The following RSL24D1 variants were observed in gnomAD, a reference collection of about 807,000 sequenced individuals.
The protein encoded by RSL24D1 is probable ribosome biogenesis protein RLP24.
RSL24D1 carries 6 observed loss-of-function variants against 26.2 expected under a neutral mutation model. The observed-to-expected ratio is 0.23, with a 90% CI of 0.13 to 0.45. RSL24D1 has a LOEUF of 0.45. Ranked by LOEUF, RSL24D1 falls within the 20% of genes least tolerant of loss-of-function variation. The pLI, the probability that RSL24D1 is intolerant of heterozygous loss-of-function variation, is 0.99. For synonymous variants in RSL24D1, 61 were observed against 59.1 expected, an observed-to-expected ratio of 1.03 and a Z score of -0.15; for missense variants, 176 against 202.6, an observed-to-expected ratio of 0.87 and a Z score of 0.80.
intron 1 of RSL24D1, among the ~76,000 whole-genome samples, chr15:55,193,567 T>A (rs1046221851): frequency 5.9e-5 from 9 of 152,104 alleles, no homozygotes; most frequent in African/African-American, 2.2e-4. Context: ...GTAAAGAAAA[T>A]TAAGTTGAAT....
At chr15:55,193,667 C>G (rs1894323865) in intron 1 of RSL24D1, among the ~76,000 whole-genome samples, 1 of 152,128 alleles carries the variant, frequency 6.6e-6, no homozygotes, top group African/African-American at 2.4e-5. Flanking sequence ...TATCACAAAT[C>G]ATAATACTTT....
rs940714772 is a variant in RSL24D1, at chr15:55,181,248, T to C, written c.*904A>G. 1.3e-5 allele frequency: 2 copies of C among 152,438 alleles called. No homozygotes were observed. The highest frequency in any genetic ancestry group is 2.9e-5 in the Non-Finnish European group (2 of 68,032). The allele number at this position is 152,438 out of a possible 1,614,324, so 9.4% of individuals were successfully genotyped here. The stretch of plus-strand genomic sequence containing the variant: ...CTTAAATGGGATGTGTGGAGGAAGA[T>C]TTCTTCTTCCAGGTCATCAATATTT... On this transcript the variant is annotated 3_prime_UTR_variant, in exon 6 of 6. Coordinates refer to ENST00000260443, the MANE Select transcript of RSL24D1 (RefSeq NM_016304.3).
At chr15:55,184,263 AG>A (rs1020848842) in intron 4 of RSL24D1, among the ~76,000 whole-genome samples, 2 of 146,358 alleles carry the variant, frequency 1.4e-5, no homozygotes, top group African/African-American at 5.6e-5. Flanking sequence ...TCAAAGAATG[AG>A]GAGAATTGTC....
chr15:55,193,718 G>A (rs1894324398), intron 1 of RSL24D1, among the ~76,000 whole-genome samples: 1 of 152,058 alleles, frequency 6.6e-6, no homozygotes, highest in South Asian at 2.1e-4. Flanking sequence ...ACTTCAAGTA[G>A]GTCACTACAT....
At chr15:55,183,261 T>C in intron 5 of RSL24D1, 54 bp downstream of exon 5, 2 of 1,287,680 alleles carry the variant, frequency 1.6e-6, no homozygotes, top group Non-Finnish European at 2.2e-6. Flanking sequence ...CCAAAGTTAG[T>C]TGGTACCCAA....
chr15:55,189,851 G>C (rs929732070), intron 3 of RSL24D1, among the ~76,000 whole-genome samples: 3 of 152,186 alleles, frequency 2.0e-5, no homozygotes, highest in Non-Finnish European at 2.9e-5. Context: ...AAAGTTTGTG[G>C]AATTCTAAGC....
At chr15:55,189,378 C>G (rs1423107688) in intron 3 of RSL24D1, among the ~76,000 whole-genome samples, 2 of 151,994 alleles carry the variant, frequency 1.3e-5, no homozygotes, top group South Asian at 2.1e-4. Flanking sequence ...AAATTAACTC[C>G]TCCTCTAATT....
In RSL24D1 at chr15:55,182,576, A is replaced by T. The variant is rs146456028; in HGVS notation, c.419-351T>A. Among the ~76,000 whole-genome samples the T allele has an allele frequency of 4.7e-3, 721 of 152,322 alleles. 2 individuals are homozygous for T. Among genetic ancestry groups the T allele is most frequent in the Non-Finnish European group, 7.3e-3 (494 of 68,020 alleles). ...TCTGGATCCAAGGTGCCTGCTCTTAACACTGTTCTATCTACCTCAAAGAGG... is the reference window on the plus strand; with the variant it reads ...TCTGGATCCAAGGTGCCTGCTCTTATCACTGTTCTATCTACCTCAAAGAGG... On this transcript the variant is annotated intron_variant, in intron 5 of 5. Coordinates refer to ENST00000260443, the MANE Select transcript of RSL24D1 (RefSeq NM_016304.3).
At chr15:55,195,520 C>G (rs1258451589) in intron 1 of RSL24D1, 1 of 152,172 alleles carries the variant, frequency 6.6e-6, no homozygotes, top group East Asian at 1.9e-4. Context: ...CTGTGTCTAC[C>G]AAATCAATAC....
chr15:55,190,449 T>C (rs1894284204), intron 3 of RSL24D1, among the ~76,000 whole-genome samples: 1 of 152,152 alleles, frequency 6.6e-6, no homozygotes, highest in African/African-American at 2.4e-5. Context: ...TTGCTTTTAA[T>C]TTCAGAAGAT....
chr15:55,192,683 A>C, intron 2 of RSL24D1, 37 bp downstream of exon 2: 1 of 1,433,140 alleles, frequency 7.0e-7, no homozygotes, highest in Non-Finnish European at 9.8e-7. Context: ...AAACTGTGAA[A>C]CGTGTAAAAA....
In RSL24D1 at chr15:55,192,664, C is replaced by T. The variant is rs571471137; in HGVS notation, c.195+56G>A. 1.4e-4 allele frequency: 181 copies of T among 1,268,762 alleles called. 1 individual carries two copies. The African/African-American group carries it at 2.4e-3, about 17-fold the overall frequency. 78.6% of individuals were successfully genotyped at this position (1,268,762 alleles called of 1,614,324 possible). On this transcript the variant is annotated intron_variant, in intron 2 of 5. Coordinates refer to ENST00000260443, the MANE Select transcript of RSL24D1 (RefSeq NM_016304.3). Reference sequence around the variant, plus strand: ...GATTGATTAGATGACATATACCCTTCAAATACTAAAACTGTGAAACGTGTA... The same window carrying T: ...GATTGATTAGATGACATATACCCTTTAAATACTAAAACTGTGAAACGTGTA...
rs1038188565 is a variant in RSL24D1, at chr15:55,192,846, T to C, written c.82-13A>G. ...AAAATCTGAACACCTACAAGAAAAG[T>C]TAAAATATTGAGAAGTCAACATTAA... On this transcript the variant is annotated splice_polypyrimidine_tract_variant and intron_variant, in intron 1 of 5. Transcript: ENST00000260443. The C allele has an allele frequency of 6.4e-7, 1 of 1,565,798 alleles. No individual in the cohort carries two copies. The highest frequency in any genetic ancestry group is 1.4e-5 in the African/African-American group (1 of 73,758).
At chr15:55,196,487 T>C (rs1894358640) in intron 1 of RSL24D1, 1 of 564,254 alleles carries the variant, frequency 1.8e-6, no homozygotes, top group East Asian at 4.0e-5. Flanking sequence ...TTCAAGAATT[T>C]GGCCCAAGTA....
At chr15:55,188,464 G>A (rs1037055843) in intron 3 of RSL24D1, among the ~76,000 whole-genome samples, 1 of 149,574 alleles carries the variant, frequency 6.7e-6, no homozygotes, top group African/African-American at 2.6e-5. Context: ...TGGGGGGCAA[G>A]AGAATGAGAC....
chr15:55,182,216 T>C lies in RSL24D1; in HGVS notation c.428A>G (p.Lys143Arg). ...CTGTACCATTTTCTCTTCCAACTGT[T>C]TCCCTTTGCCTTTAATAAAAATAAG... ...LIRAPLAGKG[K>R]QLEEKMVQQL... The change falls in exon 6 of 6, where the codon AAA becomes AGA. Residue 143 changes from lysine (K) to arginine (R), a missense_variant. Physicochemically the swap from Lys to Arg is conservative, Grantham distance 26. Around this residue, in one of 3 missense-constraint regions of RSL24D1, gnomAD observed 43 missense variants for 38.7 expected, o/e 1.11. Coordinates refer to ENST00000260443, the MANE Select transcript of RSL24D1 (RefSeq NM_016304.3). The C allele has an allele frequency of 6.2e-7, 1 of 1,601,824 alleles. No homozygotes were observed. Among genetic ancestry groups the C allele is most frequent in the Non-Finnish European group, 8.6e-7 (1 of 1,169,388 alleles).
chr15:55,196,721 G>C lies in RSL24D1; in HGVS notation c.81+89C>G, dbSNP rs570644387. 7 of 1,276,554 alleles carry C rather than the reference G, an allele frequency of 5.5e-6. No individual in the cohort carries two copies. In the Admixed American group the frequency reaches 7.3e-5, roughly 13 times the overall value. The allele number at this position is 1,276,554 out of a possible 1,614,324, so 79.1% of individuals were successfully genotyped here. Reference sequence around the variant, plus strand: ...AACGGGAGGAACCCGGGCCAAACACGGCAGACGCAGAAGCACCCAGCACCG... The same window carrying C: ...AACGGGAGGAACCCGGGCCAAACACCGCAGACGCAGAAGCACCCAGCACCG... On this transcript the variant is annotated intron_variant, in intron 1 of 5. Transcript: ENST00000260443.
At chr15:55,191,119 C>T in intron 2 of RSL24D1, 72 bp from the exon 3 acceptor site, 1 of 1,023,900 alleles carries the variant, frequency 9.8e-7, no homozygotes, top group Non-Finnish European at 1.4e-6. Context: ...CTTAAAACGT[C>T]TTCCTTTTCC....
chr15:55,186,826 C>T (rs953329961), intron 3 of RSL24D1, among the ~76,000 whole-genome samples: 1 of 151,962 alleles, frequency 6.6e-6, no homozygotes, highest in Non-Finnish European at 1.5e-5. Flanking sequence ...TCTGGAAATA[C>T]ATATTAAACT....
Sources: gnomAD v4.1 joint callset for allele counts (sites outside exome capture counted in the v4.1 genomes callset) on GRCh38, gnomAD v4.1.1 for gene constraint, gnomAD v4.1.1 regional missense constraint, MANE v1.5 for transcripts, NCBI Gene and HGNC (gene_info 2026-07-23, HGNC 2026-07-21) for gene names.